Variants in ADGRV1 observed in about 807,000 individuals in gnomAD.
ADGRV1 encodes adhesion G protein-coupled receptor V1, also known as G-protein coupled receptor 98.
ADGRV1 carries 359 observed loss-of-function variants against 596.2 expected under a neutral mutation model. The observed-to-expected ratio is 0.60, with a 90% CI of 0.55 to 0.66. The LOEUF is 0.66. Ranked by LOEUF, ADGRV1 falls within the 30% of genes least tolerant of loss-of-function variation. The pLI is 0.00. For missense variants in ADGRV1, 7,274 were observed against 7,575.6 expected (o/e 0.96, Z 1.48); for synonymous variants, 2,681 against 2,679.2 (o/e 1.00, Z -0.02).
intron 78 of ADGRV1, 68 bp downstream of exon 78, chr5:90,841,053 C>A: frequency 2.9e-6 from 3 of 1,052,222 alleles, no homozygotes; most frequent in Non-Finnish European, 2.6e-6. Context: ...CAAGTAAAAC[C>A]AAAATCACAT....
intron 10 of ADGRV1, among the ~76,000 whole-genome samples, chr5:90,637,316 C>G (rs1000944989): frequency 6.6e-6 from 1 of 152,040 alleles, no homozygotes; most frequent in Non-Finnish European, 1.5e-5. Flanking sequence ...GTTTTAATCA[C>G]CGGAGTTTAT....
chr5:90,591,484 A>G (rs1391850384), intron 1 of ADGRV1, among the ~76,000 whole-genome samples: 1 of 152,196 alleles, frequency 6.6e-6, no homozygotes, highest in East Asian at 1.9e-4. Flanking sequence ...TAAAATAGTT[A>G]CTATAATAAT....
At chr5:90,966,092 A>T (rs1778430243) in intron 84 of ADGRV1, among the ~76,000 whole-genome samples, 1 of 152,174 alleles carries the variant, frequency 6.6e-6, no homozygotes, top group Non-Finnish European at 1.5e-5. Context: ...CAGAAGTTGG[A>T]ACCCAGGATG....
At chr5:90,983,630 T>G (rs573029065) in intron 84 of ADGRV1, among the ~76,000 whole-genome samples, 43 of 152,288 alleles carry the variant, frequency 2.8e-4, no homozygotes, top group Admixed American at 1.6e-3. Flanking sequence ...ACCCCGCTTA[T>G]TTGAGTCCAC....
chr5:90,720,286 A>G (rs1293336568), intron 44 of ADGRV1, 63 bp downstream of exon 44: 2 of 1,059,208 alleles, frequency 1.9e-6, no homozygotes, highest in Non-Finnish European at 2.6e-6. Context: ...ATTTTTTGAC[A>G]TAAGAAAATG....
At chr5:90,874,096 A>T (rs1768979803) in intron 83 of ADGRV1, among the ~76,000 whole-genome samples, 1 of 151,668 alleles carries the variant, frequency 6.6e-6, no homozygotes, top group Non-Finnish European at 1.5e-5. Context: ...TAACAGAGGG[A>T]CTCTGACCTC....
At position 90,705,479 on chromosome 5, in the gene ADGRV1, A is replaced by G. The variant is rs1748472516; in HGVS notation, c.8466A>G (p.Pro2822=). ...TCACAGTAGAAGCCAGTGATGAACC[A>G]CATGGAGTTTTAAATTTTGCTCTTT... is the stretch of plus-strand genomic sequence containing the variant. ...AVLTVEASDE[P]HGVLNFALSS... Residue 2822 remains proline (P), a synonymous_variant, in exon 37 of 90, where the codon CCA becomes CCG. Coordinates refer to ENST00000405460, the MANE Select transcript of ADGRV1 (RefSeq NM_032119.4). 6.2e-7 allele frequency: 1 copy of G among 1,613,928 alleles called. No homozygotes were observed. The highest frequency in any genetic ancestry group is 8.5e-7 in the Non-Finnish European group (1 of 1,179,808).
chr5:90,800,575 C>T (rs984298510), intron 70 of ADGRV1, among the ~76,000 whole-genome samples: 6 of 152,120 alleles, frequency 3.9e-5, no homozygotes, highest in Non-Finnish European at 7.4e-5. Flanking sequence ...CATTATTGGG[C>T]ATATACCGAA....
At chr5:90,916,632 T>A (rs1581502660) in intron 83 of ADGRV1, among the ~76,000 whole-genome samples, 1 of 2,314 alleles carries the variant, frequency 4.3e-4, no homozygotes, top group African/African-American at 4.7e-4. Flanking sequence ...CGTTCACAAA[T>A]TTTTTTTTTT....
chr5:90,756,088 T>C lies in ADGRV1; in HGVS notation c.11581-366T>C, dbSNP rs553749675. 1.1e-4 allele frequency among the ~76,000 whole-genome samples: 16 copies of C among 152,114 alleles called. No individual in the cohort carries two copies. In the South Asian group the frequency reaches 3.3e-3, roughly 32 times the overall value. On this transcript the variant is annotated intron_variant, in intron 55 of 89. Coordinates refer to ENST00000405460, the MANE Select transcript of ADGRV1 (RefSeq NM_032119.4). The stretch of plus-strand genomic sequence containing the variant: ...ATATCTAGATTTTCAAGTCTAGAGC[T>C]TTTGCTTTAAAAATGTATGTAGCAT...
intron 9 of ADGRV1, among the ~76,000 whole-genome samples, chr5:90,633,480 G>A (rs112271827): frequency 2.0e-5 from 3 of 151,746 alleles, no homozygotes; most frequent in Non-Finnish European, 4.4e-5. Context: ...GTTCATTCAC[G>A]AATGTGTGCT....
At chr5:90,647,467 C>T in intron 16 of ADGRV1, 31 bp from the exon 17 acceptor site, 1 of 1,580,650 alleles carries the variant, frequency 6.3e-7, no homozygotes, top group Non-Finnish European at 8.6e-7. Flanking sequence ...ATCAGAAAAG[C>T]TCATGTGTTC....
intron 85 of ADGRV1, among the ~76,000 whole-genome samples, chr5:91,059,195 G>T (rs918761090): frequency 1.5e-4 from 23 of 152,168 alleles, no homozygotes; most frequent in African/African-American, 4.6e-4. Flanking sequence ...TCACTCATTT[G>T]GTTCTCACTG....
chr5:90,651,975 G>A (rs185176485), intron 18 of ADGRV1, among the ~76,000 whole-genome samples: 1 of 143,866 alleles, frequency 7.0e-6, no homozygotes, highest in East Asian at 2.1e-4. Context: ...TCAATCCTTT[G>A]TGAGACTGAG....
chr5:90,968,133 A>G (rs921883946), intron 84 of ADGRV1, among the ~76,000 whole-genome samples: 13 of 152,264 alleles, frequency 8.5e-5, no homozygotes, highest in African/African-American at 3.1e-4. Context: ...CGGAAGGGCT[A>G]CTGCAGGAAA....
Position 90,714,317 on chromosome 5 carries a change from T to C in ADGRV1, c.9184+1889T>C, listed in dbSNP as rs531930611. 3.3e-5 allele frequency among the ~76,000 whole-genome samples: 5 copies of C among 152,120 alleles called. No individual in the cohort carries two copies. The East Asian group carries it at 7.7e-4, about 23-fold the overall frequency. On this transcript the variant is annotated intron_variant, in intron 42 of 89. Transcript: ENST00000405460. Reference sequence around the variant, plus strand: ...GTGATCCTGTTTTTCGTATCCCTTATGTACTTTCCTGTGGTTTTTGCTTTA... The same window carrying C: ...GTGATCCTGTTTTTCGTATCCCTTACGTACTTTCCTGTGGTTTTTGCTTTA...
In ADGRV1 at chr5:90,694,266, G is replaced by T; in HGVS notation, c.7510G>T (p.Glu2504Ter). ...TCAGGCTGTGGCTGGGAGTGACTAT[G>T]AGCCTGTGACAAGGCAATGGGCCAT... ...SGQAVAGSDY[E>*]PVTRQWAIMQ... The change falls in exon 33 of 90, where the codon GAG becomes TAG. Residue 2504 changes from glutamate to a stop codon, truncating the protein, a stop_gained. Transcript: ENST00000405460. LOFTEE classifies it high-confidence loss of function. 6.2e-7 allele frequency: 1 copy of T among 1,613,968 alleles called. No individual in the cohort carries two copies. Among genetic ancestry groups the T allele is most frequent in the Non-Finnish European group, 8.5e-7 (1 of 1,179,860 alleles).
chr5:91,066,773 G>A (rs1787919256), intron 85 of ADGRV1, among the ~76,000 whole-genome samples: 1 of 152,226 alleles, frequency 6.6e-6, no homozygotes, highest in Non-Finnish European at 1.5e-5. Context: ...ACACAAGGCA[G>A]GCAGTTTTTG....
At chr5:90,723,728 A>T (rs1751385607) in intron 45 of ADGRV1, among the ~76,000 whole-genome samples, 1 of 152,216 alleles carries the variant, frequency 6.6e-6, no homozygotes, top group Non-Finnish European at 1.5e-5. Flanking sequence ...TTGAATTAGT[A>T]ATCTAAAAAT....
Sources: allele counts gnomAD v4.1 joint callset (sites outside exome capture counted in the v4.1 genomes callset), GRCh38; gene constraint gnomAD v4.1.1; transcripts MANE v1.5; gene names NCBI Gene and HGNC (gene_info 2026-07-23, HGNC 2026-07-21).